Variants in BAIAP2 observed in about 807,000 individuals in gnomAD.
The protein encoded by BAIAP2 is BAR/IMD domain containing adaptor protein 2.
BAIAP2 carries 18 observed loss-of-function variants against 63.0 expected under a neutral mutation model. The observed-to-expected ratio is 0.29, with a 90% CI of 0.20 to 0.42. The LOEUF (loss-of-function observed/expected upper bound fraction) is 0.42, where lower values mean the gene tolerates loss of function less well. Among genes scored for constraint, BAIAP2 ranks in the 10% least tolerant of loss-of-function variants. BAIAP2 has a pLI of 1.00. For missense variants in BAIAP2, 610 were observed against 734.3 expected, an observed-to-expected ratio of 0.83 and a Z score of 1.96; for synonymous variants, 386 against 307.6, an observed-to-expected ratio of 1.25 and a Z score of -2.67.
intron 5 of BAIAP2, among the ~76,000 whole-genome samples, chr17:81,086,146 CAGT>C (rs1438759779): frequency 6.1e-5 from 8 of 130,720 alleles, no homozygotes; most frequent in African/African-American, 2.3e-4. Flanking sequence ...CTCTGGCTCT[CAGT>C]GGTGGGCGGG....
intron 3 of BAIAP2, among the ~76,000 whole-genome samples, chr17:81,077,649 G>T (rs1435968982): frequency 1.3e-5 from 2 of 152,258 alleles, no homozygotes; most frequent in African/African-American, 2.4e-5. Context: ...CTGGGAGGAC[G>T]GATGCTTGGG....
chr17:81,040,257 G>T (rs139578992), intron 1 of BAIAP2, among the ~76,000 whole-genome samples: 2 of 152,378 alleles, frequency 1.3e-5, no homozygotes, highest in Non-Finnish European at 2.9e-5. Flanking sequence ...CATCTTTGTG[G>T]CTGCACAGAG....
intron 1 of BAIAP2, among the ~76,000 whole-genome samples, chr17:81,049,158 T>G (rs1477495137): frequency 6.6e-6 from 1 of 152,250 alleles, no homozygotes; most frequent in Non-Finnish European, 1.5e-5. Context: ...GGGCTGCGTT[T>G]GTACTGCACA....
chr17:81,104,912 G>T (rs1180756040), intron 10 of BAIAP2, among the ~76,000 whole-genome samples, 197 bp downstream of exon 10: 1 of 152,058 alleles, frequency 6.6e-6, no homozygotes, highest in Non-Finnish European at 1.5e-5. Context: ...TCCCCTGGCA[G>T]GGGTCTTCGC....
chr17:81,116,552 A>C lies in BAIAP2; in HGVS notation c.*713A>C. 1 of 565,080 alleles carries C rather than the reference A, an allele frequency of 1.8e-6. No individual in the cohort carries two copies. The highest frequency in any genetic ancestry group is 3.1e-6 in the Non-Finnish European group (1 of 317,784). 35.0% of individuals were successfully genotyped at this position (565,080 alleles called of 1,614,324 possible). Reference sequence around the variant, plus strand: ...CTCCTGCGGCCAAAGGCCAGCTGTCAGGTGCTATGCGGGGTCACCAGCAGA... The same window carrying C: ...CTCCTGCGGCCAAAGGCCAGCTGTCCGGTGCTATGCGGGGTCACCAGCAGA... On this transcript the variant is annotated 3_prime_UTR_variant, in exon 14 of 14. Coordinates refer to ENST00000428708, the MANE Select transcript of BAIAP2 (RefSeq NM_001144888.2).
At position 81,035,204 on chromosome 17, in the gene BAIAP2, C is replaced by A; in HGVS notation, c.-51C>A. 1 of 1,423,032 alleles carries A rather than the reference C, an allele frequency of 7.0e-7. No individual in the cohort carries two copies. Among genetic ancestry groups the A allele is most frequent in the Non-Finnish European group, 9.4e-7 (1 of 1,068,874 alleles). The allele number at this position is 1,423,032 out of a possible 1,614,324, so 88.2% of individuals were successfully genotyped here. A position where few individuals can be genotyped will look rare whatever the true frequency, so the allele number is the denominator to read the frequency against. On this transcript the variant is annotated 5_prime_UTR_variant, in exon 1 of 14. Transcript: ENST00000428708. ...CTGCTGCCGTTACCGCCGCTGCTGCCGCCGCTTGCGTCCCCCGCTCCGGTC... is the reference window on the plus strand; with the variant it reads ...CTGCTGCCGTTACCGCCGCTGCTGCAGCCGCTTGCGTCCCCCGCTCCGGTC...
chr17:81,076,795 C>T (rs760031242), intron 3 of BAIAP2, among the ~76,000 whole-genome samples: 2 of 152,044 alleles, frequency 1.3e-5, no homozygotes, highest in African/African-American at 4.8e-5. Flanking sequence ...ATAGTGAGAC[C>T]CCATGTCTAC....
Position 81,108,495 on chromosome 17 carries a change from G to A in BAIAP2, c.1521G>A (p.Ala507=), listed in dbSNP as rs199796336. 44 of 1,613,772 alleles carry A rather than the reference G, an allele frequency of 2.7e-5. No individual in the cohort carries two copies. Among genetic ancestry groups the A allele is most frequent in the Middle Eastern group, 1.6e-4 (1 of 6,084 alleles). ...CCCAGGGCCTGGATGACTATGGAGC[G>A]CGGTCCATGAGCAGGTAAGGGGACT... is the stretch of plus-strand genomic sequence containing the variant. ...AFSQGLDDYG[A]RSMSRNPFAH... Residue 507 remains alanine (A), a synonymous_variant, in exon 13 of 14, where the codon GCG becomes GCA. Coordinates refer to ENST00000428708, the MANE Select transcript of BAIAP2 (RefSeq NM_001144888.2).
chr17:81,108,701 G>T (rs1034729001), intron 13 of BAIAP2, 192 bp downstream of exon 13: 34 of 860,596 alleles, frequency 4.0e-5, no homozygotes, highest in Non-Finnish European at 5.1e-5. Context: ...AACCCCCCTG[G>T]GCCCTGCCCC....
At chr17:81,066,969 CA>C (rs1228298427) in intron 3 of BAIAP2, among the ~76,000 whole-genome samples, 3 of 152,242 alleles carry the variant, frequency 2.0e-5, no homozygotes, top group Non-Finnish European at 2.9e-5. Context: ...TCCTGACAGA[CA>C]CCATTTGAAG....
At chr17:81,095,344 C>T (rs985158074) in intron 6 of BAIAP2, among the ~76,000 whole-genome samples, 4 of 152,176 alleles carry the variant, frequency 2.6e-5, no homozygotes. Context: ...AGGTCATCCC[C>T]GTCCAACAGC....
intron 7 of BAIAP2, among the ~76,000 whole-genome samples, chr17:81,100,629 C>T (rs552189891): frequency 2.0e-5 from 3 of 152,280 alleles, no homozygotes; most frequent in East Asian, 1.9e-4. Context: ...CCCTAGGCCA[C>T]CCAAGACAAC....
chr17:81,060,167 G>A (rs922026818), intron 3 of BAIAP2, among the ~76,000 whole-genome samples: 2 of 152,150 alleles, frequency 1.3e-5, no homozygotes, highest in Admixed American at 6.5e-5. Flanking sequence ...TTTTCTTCCC[G>A]GTAACAGCTT....
intron 12 of BAIAP2, chr17:81,107,565 C>A (rs919578882): frequency 1.3e-5 from 2 of 152,336 alleles, no homozygotes; most frequent in Admixed American, 1.3e-4. Context: ...CAGGGAGGCT[C>A]CTGGGGTTGG....
At chr17:81,077,720 C>T (rs974289542) in intron 3 of BAIAP2, among the ~76,000 whole-genome samples, 42 of 152,170 alleles carry the variant, frequency 2.8e-4, no homozygotes, top group South Asian at 8.3e-4. Context: ...GAGCGGGTGC[C>T]GTCTCAGGTG....
chr17:81,107,058 A>G lies in BAIAP2; in HGVS notation c.1500+151A>G. ...GGGGTGAAGGCTGCATGATTTGGGA[A>G]TGTGTACACACCCCTGCTTCGGCCT... On this transcript the variant is annotated intron_variant, in intron 12 of 13. Coordinates refer to ENST00000428708, the MANE Select transcript of BAIAP2 (RefSeq NM_001144888.2). 6.3e-6 allele frequency: 6 copies of G among 948,702 alleles called. No homozygotes were observed. The South Asian group carries it at 1.1e-4, about 17-fold the overall frequency. 58.8% of individuals were successfully genotyped at this position (948,702 alleles called of 1,614,324 possible). A position where few individuals can be genotyped will look rare whatever the true frequency, so the allele number is the denominator to read the frequency against.
chr17:81,103,331 C>T (rs542743924), intron 7 of BAIAP2, among the ~76,000 whole-genome samples, 171 bp from the exon 8 acceptor site: 1 of 152,234 alleles, frequency 6.6e-6, no homozygotes, highest in Non-Finnish European at 1.5e-5. Flanking sequence ...GCAGCCGCTT[C>T]TGTGGGTTGG....
intron 1 of BAIAP2, among the ~76,000 whole-genome samples, chr17:81,039,346 C>A (rs1170563181): frequency 6.6e-6 from 1 of 152,250 alleles, no homozygotes; most frequent in Non-Finnish European, 1.5e-5. Context: ...CTGGTGCTTG[C>A]TCAGCGTCCC....
intron 13 of BAIAP2, chr17:81,109,149 C>T (rs941492267): frequency 2.6e-4 from 371 of 1,440,840 alleles, no homozygotes; most frequent in Non-Finnish European, 3.3e-4. Context: ...ACCCCAGACT[C>T]TGTGATCCCC....
Sources: gnomAD v4.1 joint callset for allele counts (sites outside exome capture counted in the v4.1 genomes callset) on GRCh38, gnomAD v4.1.1 for gene constraint, MANE v1.5 for transcripts, NCBI Gene and HGNC (gene_info 2026-07-23, HGNC 2026-07-21) for gene names.